RBFOX1: variants seen among roughly 807,000 people sequenced by gnomAD.
RBFOX1 encodes the protein RNA binding fox-1 homolog 1.
In RBFOX1, 8 loss-of-function variants were observed where a neutral mutation model predicts 57.7. The ratio of observed to expected loss-of-function variants is 0.14; its 90% CI spans 0.08 to 0.25. The LOEUF is 0.25. Ranked by LOEUF, RBFOX1 falls within the 10% of genes least tolerant of loss-of-function variation. The probability of loss-of-function intolerance (pLI) is 1.00; values close to 1 mark genes in which losing one functional copy is unlikely to be tolerated. For synonymous variants in RBFOX1, 326 were observed against 222.4 expected, an observed-to-expected ratio of 1.47 and a Z score of -4.15; for missense variants, 611 against 548.5, an observed-to-expected ratio of 1.11 and a Z score of -1.14.
intron 3 of RBFOX1, among the ~76,000 whole-genome samples, chr16:5,713,206 C>G (rs76401803): frequency 0.071 from 10,751 of 152,188 alleles, 668 homozygotes; most frequent in East Asian, 0.33. Flanking sequence ...CCATTTGGGG[C>G]TAATTTCTTT....
chr16:5,330,894 GT>G (rs1365007971), intron 1 of RBFOX1, among the ~76,000 whole-genome samples: 1 of 152,026 alleles, frequency 6.6e-6, no homozygotes, highest in African/African-American at 2.4e-5. Context: ...TCCAATTCAG[GT>G]TTTTTTGTTT....
chr16:5,781,077 C>T (rs1475074750), intron 3 of RBFOX1, among the ~76,000 whole-genome samples: 10 of 152,168 alleles, frequency 6.6e-5, no homozygotes, highest in East Asian at 3.9e-4. Flanking sequence ...CTTTTAAAAA[C>T]CATTCTCCTT....
At chr16:7,015,866 G>A (rs1233312198) in intron 3 of RBFOX1, among the ~76,000 whole-genome samples, 3 of 150,954 alleles carry the variant, frequency 2.0e-5, no homozygotes, top group Non-Finnish European at 2.9e-5. Context: ...AAATTTACTT[G>A]GCTTTAATTA....
At position 7,267,206 on chromosome 16, in the gene RBFOX1, C is replaced by T. The variant is rs367669477; in HGVS notation, c.27+215108C>T. ...TTGAGGTCAGGTGTTTGAGACCAGC[C>T]TGGCCAACATGGCAAAACCCTGTCT... On this transcript the variant is annotated intron_variant, in intron 4 of 15. Transcript: ENST00000550418. Among the ~76,000 whole-genome samples, 31 of 152,114 alleles carry T rather than the reference C, an allele frequency of 2.0e-4. 1 individual carries two copies. The East Asian group carries it at 2.9e-3, about 14-fold the overall frequency.
At chr16:6,913,368 G>C (rs1444498601) in intron 3 of RBFOX1, among the ~76,000 whole-genome samples, 1 of 152,074 alleles carries the variant, frequency 6.6e-6, no homozygotes, top group African/African-American at 2.4e-5. Context: ...GAGCGTGTTA[G>C]CTCAGGCCAA....
At chr16:6,991,161 A>AAAAAAAAAAAAAAAAC (rs1271872183) in intron 3 of RBFOX1, among the ~76,000 whole-genome samples, 5 of 139,928 alleles carry the variant, frequency 3.6e-5, no homozygotes, top group South Asian at 2.6e-4. Context: ...AAAAAAAAAA[A>AAAAAAAAAAAAAAAAC]AGACACGGTG....
At chr16:6,207,423 T>G (rs1452099796) in intron 1 of RBFOX1, among the ~76,000 whole-genome samples, 2 of 152,152 alleles carry the variant, frequency 1.3e-5, no homozygotes, top group Admixed American at 1.3e-4. Flanking sequence ...GAAGAGGCAA[T>G]CCGTTTGACA....
At chr16:5,890,230 A>T (rs1567675504) in intron 4 of RBFOX1, among the ~76,000 whole-genome samples, 1 of 152,196 alleles carries the variant, frequency 6.6e-6, no homozygotes, top group Admixed American at 6.5e-5. Flanking sequence ...TATGATAATA[A>T]TATCTAATTA....
At chr16:6,216,535 C>T (rs2097337023) in intron 1 of RBFOX1, among the ~76,000 whole-genome samples, 1 of 152,206 alleles carries the variant, frequency 6.6e-6, no homozygotes, top group Non-Finnish European at 1.5e-5. Context: ...TGAGTAGCCT[C>T]TGCTAGAAAT....
rs2083879555 is a variant in RBFOX1 at position 7,710,680 on chromosome 16, C to G, written c.1129C>G (p.Leu377Val). 1.9e-6 allele frequency: 3 copies of G among 1,613,522 alleles called. No individual in the cohort carries two copies. The highest frequency in any genetic ancestry group is 1.1e-5 in the South Asian group (1 of 90,992). ...TAGGAGCCATGCTGATGATGTGGGTCTCGTTCTTTCTTCATTGCAGGCTAG... is the reference window on the plus strand; with the variant it reads ...TAGGAGCCATGCTGATGATGTGGGTGTCGTTCTTTCTTCATTGCAGGCTAG... ...KTRSHADDVG[L>V]VLSSLQASIY... The change falls in exon 16 of 16, where the codon CTC becomes GTC. Residue 377 changes from leucine to valine, a missense_variant. By Grantham distance (32) the Leu-to-Val change is conservative. Around this residue, in one of 3 missense-constraint regions of RBFOX1, gnomAD observed 267 missense variants for 229.1 expected, o/e 1.17. Transcript: ENST00000550418.
At chr16:6,758,065 C>T (rs553857825) in intron 3 of RBFOX1, among the ~76,000 whole-genome samples, 3 of 152,064 alleles carry the variant, frequency 2.0e-5, no homozygotes, top group African/African-American at 7.2e-5. Flanking sequence ...CTTCTTTATA[C>T]CAATAAGAAG....
chr16:7,632,806 T>C (rs535592642), intron 11 of RBFOX1, among the ~76,000 whole-genome samples: 1 of 152,240 alleles, frequency 6.6e-6, no homozygotes, highest in Non-Finnish European at 1.5e-5. Flanking sequence ...ATTAGCCATA[T>C]AGGGGCTAAT....
intron 3 of RBFOX1, among the ~76,000 whole-genome samples, chr16:5,840,676 C>T (rs753149102): frequency 7.2e-5 from 11 of 152,122 alleles, no homozygotes; most frequent in East Asian, 1.9e-4. Context: ...GAAGTGAGGC[C>T]GTGGGTCACC....
intron 3 of RBFOX1, among the ~76,000 whole-genome samples, chr16:6,982,476 T>C (rs1473303963): frequency 1.3e-5 from 2 of 152,140 alleles, no homozygotes; most frequent in East Asian, 1.9e-4. Flanking sequence ...CATTCGTTCA[T>C]GAGAGTCGTT....
At chr16:6,766,161 G>A (rs2154206994) in intron 3 of RBFOX1, among the ~76,000 whole-genome samples, 1 of 151,806 alleles carries the variant, frequency 6.6e-6, no homozygotes, top group Admixed American at 6.6e-5. Context: ...AGAAAAAAAA[G>A]CAAAATTTTA....
chr16:5,793,240 C>T (rs1490527683), intron 3 of RBFOX1, among the ~76,000 whole-genome samples: 2 of 152,230 alleles, frequency 1.3e-5, no homozygotes, highest in Non-Finnish European at 2.9e-5. Context: ...CTGACCGGCT[C>T]CTTTTGCCCA....
At chr16:7,709,767 T>C in intron 15 of RBFOX1, 3 of 45,304 alleles carry the variant, frequency 6.6e-5, no homozygotes, top group Non-Finnish European at 9.9e-5. Context: ...GGGGGGAGGG[T>C]AAAAAATGGG....
At chr16:7,309,783 G>T (rs895912093) in intron 4 of RBFOX1, among the ~76,000 whole-genome samples, 2 of 152,190 alleles carry the variant, frequency 1.3e-5, no homozygotes, top group Non-Finnish European at 2.9e-5. Context: ...ACAAAATCAG[G>T]TTGCTGACTC....
At chr16:7,677,132 T>TACACCCACACACACACACACACACACAC (rs2073529478) in intron 14 of RBFOX1, among the ~76,000 whole-genome samples, 1 of 137,862 alleles carries the variant, frequency 7.3e-6, no homozygotes, top group Non-Finnish European at 1.6e-5. Context: ...CACATACACA[T>TACACCCACACACACACACACACACACAC]ACACACACAC....
Sources: allele counts gnomAD v4.1 joint callset (sites outside exome capture counted in the v4.1 genomes callset), GRCh38; gene constraint gnomAD v4.1.1; regional missense constraint gnomAD v4.1.1; transcripts MANE v1.5; gene names NCBI Gene and HGNC (gene_info 2026-07-23, HGNC 2026-07-21).